The following PTPRM variants were observed in gnomAD, a reference collection of about 807,000 sequenced individuals.
PTPRM encodes protein tyrosine phosphatase receptor type M.
PTPRM carries 47 observed loss-of-function variants against 186.7 expected under a neutral mutation model. That is an observed-to-expected ratio of 0.25 (90% CI 0.20 to 0.32). The LOEUF is 0.32. Among genes scored for constraint, PTPRM ranks in the 10% least tolerant of loss-of-function variants. The pLI, the probability that PTPRM is intolerant of heterozygous loss-of-function variation, is 1.00. For synonymous variants in PTPRM, 668 were observed against 674.9 expected, an observed-to-expected ratio of 0.99 and a Z score of 0.16; for missense variants, 1,494 against 1,865.0, an observed-to-expected ratio of 0.80 and a Z score of 3.66.
intron 1 of PTPRM, among the ~76,000 whole-genome samples, chr18:7,596,736 T>G (rs1202891434): frequency 6.6e-6 from 1 of 152,178 alleles, no homozygotes; most frequent in Non-Finnish European, 1.5e-5. Context: ...TTTCCTTTGC[T>G]TTTTTCCTAC....
chr18:8,234,738 T>TAA (rs34401396), intron 14 of PTPRM, among the ~76,000 whole-genome samples: 1 of 151,752 alleles, frequency 6.6e-6, no homozygotes, highest in African/African-American at 2.4e-5. Flanking sequence ...ATCTTTTTTT[T>TAA]ATCAAGTTGA....
At chr18:7,941,423 G>C (rs2052167430) in intron 5 of PTPRM, among the ~76,000 whole-genome samples, 1 of 152,228 alleles carries the variant, frequency 6.6e-6, no homozygotes, top group Admixed American at 6.5e-5. Flanking sequence ...TGATGAAGAT[G>C]ATGCTAAATC....
intron 2 of PTPRM, among the ~76,000 whole-genome samples, chr18:7,798,072 G>A (rs1040013627): frequency 2.0e-5 from 3 of 152,150 alleles, no homozygotes; most frequent in African/African-American, 7.2e-5. Context: ...CCTAGGGTTA[G>A]AGGTCTCCCA....
chr18:7,905,728 G>A (rs766221597), intron 3 of PTPRM, among the ~76,000 whole-genome samples: 1 of 152,096 alleles, frequency 6.6e-6, no homozygotes, highest in African/African-American at 2.4e-5. Context: ...GTAGCTATTG[G>A]CACAGATTTC....
At position 8,176,292 on chromosome 18, in the gene PTPRM, C is replaced by A. The variant is rs114884175; in HGVS notation, c.2300+32513C>A. On this transcript the variant is annotated intron_variant, in intron 14 of 32. Transcript: ENST00000580170. ...AAGCTAACAAAGAAGGCTGTGTAAT[C>A]TCTATCTACTGCAATCTCAAAAAAT... Among the ~76,000 whole-genome samples the A allele has an allele frequency of 3.4e-3, 514 of 152,234 alleles. 5 individuals carry two copies. Among genetic ancestry groups the A allele is most frequent in the African/African-American group, 0.012 (488 of 41,522 alleles).
intron 14 of PTPRM, among the ~76,000 whole-genome samples, chr18:8,147,541 T>C (rs999897445): frequency 6.6e-6 from 1 of 152,204 alleles, no homozygotes; most frequent in African/African-American, 2.4e-5. Flanking sequence ...TTAAGGAGGT[T>C]AGGGGCTGAG....
chr18:8,348,674 G>C (rs1040413807), intron 23 of PTPRM, among the ~76,000 whole-genome samples: 7 of 152,142 alleles, frequency 4.6e-5, no homozygotes, highest in Admixed American at 1.3e-4. Flanking sequence ...TTGTGGTATT[G>C]AGCTGTTCCA....
At chr18:7,778,700 G>A (rs1355750245) in intron 2 of PTPRM, among the ~76,000 whole-genome samples, 1 of 151,982 alleles carries the variant, frequency 6.6e-6, no homozygotes, top group South Asian at 2.1e-4. Context: ...GGCTGGTCTC[G>A]ACCTCTTGAC....
At chr18:8,355,869 C>G (rs2095560685) in intron 23 of PTPRM, among the ~76,000 whole-genome samples, 1 of 152,210 alleles carries the variant, frequency 6.6e-6, no homozygotes, top group Non-Finnish European at 1.5e-5. Context: ...CACAGCCAGA[C>G]AGTCTAGTCA....
intron 14 of PTPRM, among the ~76,000 whole-genome samples, chr18:8,186,372 A>G (rs1406092090): frequency 1.3e-5 from 2 of 151,590 alleles, no homozygotes; most frequent in Non-Finnish European, 2.9e-5. Context: ...GTTTCTTTGT[A>G]AGCTGAATCA....
chr18:8,319,298 G>A, intron 22 of PTPRM, 84 bp downstream of exon 22: 1 of 978,896 alleles, frequency 1.0e-6, no homozygotes, highest in Non-Finnish European at 1.6e-6. Flanking sequence ...CCTCCTTCAG[G>A]AAGATATTGC....
intron 7 of PTPRM, among the ~76,000 whole-genome samples, chr18:7,973,825 T>G (rs1010743200): frequency 6.6e-6 from 1 of 152,216 alleles, no homozygotes; most frequent in African/African-American, 2.4e-5. Flanking sequence ...TATGCAATTA[T>G]GTTTGCTAAA....
intron 14 of PTPRM, among the ~76,000 whole-genome samples, chr18:8,240,650 AG>A (rs1480028380): frequency 1.4e-3 from 46 of 32,416 alleles, no homozygotes; most frequent in African/African-American, 3.8e-3. Flanking sequence ...AGAGAGAGAG[AG>A]AGAAAGAAAG....
At chr18:8,084,964 T>C (rs1384599504) in intron 9 of PTPRM, among the ~76,000 whole-genome samples, 1 of 152,174 alleles carries the variant, frequency 6.6e-6, no homozygotes, top group Admixed American at 6.6e-5. Flanking sequence ...CACTGTCTCA[T>C]ATGGCAGCTA....
intron 14 of PTPRM, among the ~76,000 whole-genome samples, chr18:8,199,474 G>A (rs2093823709): frequency 1.3e-5 from 2 of 152,168 alleles, no homozygotes; most frequent in Non-Finnish European, 2.9e-5. Context: ...GCTCTTTGAT[G>A]ATATTAGTAG....
intron 7 of PTPRM, among the ~76,000 whole-genome samples, chr18:8,066,432 T>G (rs2089084710): frequency 6.6e-6 from 1 of 152,174 alleles, no homozygotes; most frequent in Non-Finnish European, 1.5e-5. Context: ...AAGTGGACCA[T>G]GTCCCTGTGT....
chr18:7,839,720 CA>C (rs1488890281), intron 2 of PTPRM, among the ~76,000 whole-genome samples: 1 of 152,142 alleles, frequency 6.6e-6, no homozygotes, highest in Non-Finnish European at 1.5e-5. Flanking sequence ...GGTTACATGC[CA>C]CCAAGTCCAC....
At chr18:8,299,583 G>C (rs751631855) in intron 20 of PTPRM, among the ~76,000 whole-genome samples, 5 of 145,472 alleles carry the variant, frequency 3.4e-5, no homozygotes, top group Admixed American at 6.7e-5. Context: ...AGACTCCAGA[G>C]GTCTCAAAAA....
At chr18:8,050,904 T>C (rs2087448081) in intron 7 of PTPRM, among the ~76,000 whole-genome samples, 1 of 152,098 alleles carries the variant, frequency 6.6e-6, no homozygotes, top group Admixed American at 6.6e-5. Context: ...TTTCCAAGAA[T>C]GAGATTCAGA....
Sources: gnomAD v4.1 joint callset for allele counts (sites outside exome capture counted in the v4.1 genomes callset) on GRCh38, gnomAD v4.1.1 for gene constraint, MANE v1.5 for transcripts, NCBI Gene and HGNC (gene_info 2026-07-23, HGNC 2026-07-21) for gene names.